AKAP13: variants seen among roughly 807,000 people sequenced by gnomAD.
The protein encoded by AKAP13 is A-kinase anchoring protein 13.
In AKAP13, 80 loss-of-function variants were observed where a neutral mutation model predicts 264.5. The observed-to-expected ratio is 0.30, with a 90% CI of 0.25 to 0.36. AKAP13 has a LOEUF of 0.36. Among genes scored for constraint, AKAP13 ranks in the 10% least tolerant of loss-of-function variants. AKAP13 has a pLI of 1.00. For synonymous variants in AKAP13, 1,380 were observed against 1,250.2 expected (o/e 1.10, Z -2.19); for missense variants, 3,712 against 3,435.2 (o/e 1.08, Z -2.01).
At chr15:85,729,003 T>C (rs537789864) in intron 29 of AKAP13, among the ~76,000 whole-genome samples, 1 of 151,906 alleles carries the variant, frequency 6.6e-6, no homozygotes, top group East Asian at 1.9e-4. Flanking sequence ...ATAAGGTCAT[T>C]AAAATCTGAT....
chr15:85,736,912 C>CTTTTTT (rs11407996), intron 33 of AKAP13, among the ~76,000 whole-genome samples: 6 of 98,038 alleles, frequency 6.1e-5, no homozygotes, highest in East Asian at 3.3e-4. Flanking sequence ...ATATCATCAT[C>CTTTTTT]TTTTTTTTTT....
At chr15:85,640,921 CCTA>C (rs2082279415) in intron 9 of AKAP13, among the ~76,000 whole-genome samples, 1 of 152,118 alleles carries the variant, frequency 6.6e-6, no homozygotes, top group African/African-American at 2.4e-5. Flanking sequence ...ATTCTGTAGA[CCTA>C]CTGTACACCC....
intron 7 of AKAP13, among the ~76,000 whole-genome samples, chr15:85,585,166 C>G (rs150235511): frequency 6.6e-6 from 1 of 152,152 alleles, no homozygotes; most frequent in African/African-American, 2.4e-5. Context: ...AAAAATAAGA[C>G]GTAACTGCTG....
At chr15:85,409,626 G>GTT (rs1333608342) in intron 1 of AKAP13, among the ~76,000 whole-genome samples, 1,769 of 129,944 alleles carry the variant, frequency 0.014, 97 homozygotes, top group African/African-American at 0.047. Context: ...GCTAGTAGTA[G>GTT]TTTTTTTTTT....
intron 2 of AKAP13, among the ~76,000 whole-genome samples, chr15:85,497,891 G>C (rs1157685948): frequency 2.0e-5 from 3 of 152,252 alleles, no homozygotes; most frequent in African/African-American, 7.2e-5. Context: ...AAAATAAAGA[G>C]TAGAAGGAGA....
intron 1 of AKAP13, among the ~76,000 whole-genome samples, chr15:85,394,557 T>C (rs2071023790): frequency 6.6e-6 from 1 of 152,210 alleles, no homozygotes; most frequent in Non-Finnish European, 1.5e-5. Context: ...ATTTAGGAAA[T>C]AATAGCTCTA....
At chr15:85,449,719 T>C (rs555128566) in intron 1 of AKAP13, among the ~76,000 whole-genome samples, 3 of 152,330 alleles carry the variant, frequency 2.0e-5, no homozygotes, top group East Asian at 1.9e-4. Flanking sequence ...ATGAATCACA[T>C]TGATTGATTT....
chr15:85,570,075 C>CAAAA (rs141206000), intron 5 of AKAP13, among the ~76,000 whole-genome samples: 1,691 of 82,540 alleles, frequency 0.02, 82 homozygotes, highest in African/African-American at 0.042. Context: ...GACTCCGTCT[C>CAAAA]AAAAAAAAAA....
At chr15:85,562,607 C>CTATA (rs2078430528) in intron 5 of AKAP13, among the ~76,000 whole-genome samples, 1 of 133,438 alleles carries the variant, frequency 7.5e-6, no homozygotes, top group African/African-American at 2.8e-5. Context: ...ATATATATAT[C>CTATA]TCTGTCCTTA....
intron 8 of AKAP13, chr15:85,619,762 C>G (rs144050745): frequency 9.5e-7 from 1 of 1,047,984 alleles, no homozygotes; most frequent in South Asian, 4.4e-5. Context: ...GTGATGGAAA[C>G]GGTGTTTGCT....
intron 1 of AKAP13, among the ~76,000 whole-genome samples, chr15:85,422,241 C>A (rs114095519): frequency 6.6e-6 from 1 of 151,966 alleles, no homozygotes; most frequent in Non-Finnish European, 1.5e-5. Flanking sequence ...GGTGCTGTTA[C>A]GAGATTTGAG....
chr15:85,449,588 T>TA (rs1390671973), intron 1 of AKAP13, among the ~76,000 whole-genome samples: 1 of 152,210 alleles, frequency 6.6e-6, no homozygotes, highest in African/African-American at 2.4e-5. Flanking sequence ...TATTTTGAGG[T>TA]ATGTTCCTTC....
rs79478041 is a variant in AKAP13, at chr15:85,455,519, T to C, written c.-11-30191T>C. Among the ~76,000 whole-genome samples, 15 of 152,312 alleles carry C rather than the reference T, an allele frequency of 9.8e-5. No individual in the cohort carries two copies. In the East Asian group the frequency reaches 2.9e-3, roughly 29 times the overall value. Reference sequence around the variant, plus strand: ...ACACTCTTTATACTTATAGCCACCATGACGTCTCAACTCACATTTCTTCAG... The same window carrying C: ...ACACTCTTTATACTTATAGCCACCACGACGTCTCAACTCACATTTCTTCAG... On this transcript the variant is annotated intron_variant, in intron 1 of 36. Coordinates refer to ENST00000394518, the MANE Select transcript of AKAP13 (RefSeq NM_007200.5).
At chr15:85,701,463 G>A (rs1196976095) in intron 17 of AKAP13, among the ~76,000 whole-genome samples, 4 of 151,892 alleles carry the variant, frequency 2.6e-5, no homozygotes, top group African/African-American at 7.3e-5. Context: ...TGTTTGAGAC[G>A]GCGTCTCACT....
chr15:85,651,050 A>G (rs11634361), intron 10 of AKAP13, among the ~76,000 whole-genome samples: 51,690 of 151,916 alleles, frequency 0.34, 9,225 homozygotes, highest in Middle Eastern at 0.51. Flanking sequence ...TATTTTGGCA[A>G]TATTAAGCAT....
chr15:85,639,676 C>G (rs566978308), intron 9 of AKAP13, among the ~76,000 whole-genome samples: 114 of 152,240 alleles, frequency 7.5e-4, no homozygotes, highest in Admixed American at 1.8e-3. Flanking sequence ...ATGATTCATT[C>G]ATTTGTGAAG....
rs760882035 is a variant in AKAP13, at chr15:85,715,811, C to T, written c.5623C>T (p.Arg1875Trp). The change falls in exon 20 of 37, where the codon CGG becomes TGG. Residue 1875 changes from arginine (R) to tryptophan (W), a missense_variant. Around this residue, in one of 3 missense-constraint regions of AKAP13, gnomAD observed 2,759 missense variants for 2,411.7 expected, o/e 1.14. Coordinates refer to ENST00000394518, the MANE Select transcript of AKAP13 (RefSeq NM_007200.5). ...NKPSQPKERP[R>W]SAVLLVDETA... ...AGCCTCACAGCCCAAGGAGCGTCCT[C>T]GGTCCGCAGTCCTCCTGGTGGATGA... 1.2e-4 allele frequency: 188 copies of T among 1,612,050 alleles called. No individual in the cohort carries two copies. The highest frequency in any genetic ancestry group is 1.5e-4 in the Non-Finnish European group (179 of 1,179,614).
At chr15:85,691,364 A>G (rs1404143733) in intron 16 of AKAP13, among the ~76,000 whole-genome samples, 1 of 152,180 alleles carries the variant, frequency 6.6e-6, no homozygotes, top group Non-Finnish European at 1.5e-5. Flanking sequence ...TTATATCCCC[A>G]TGGTCCTGGC....
At position 85,577,653 on chromosome 15, in the gene AKAP13, T is replaced by A. The variant is rs557863280; in HGVS notation, c.862-1277T>A. The A allele has an allele frequency of 1.6e-5, 5 of 303,412 alleles. No individual in the cohort carries two copies. In the Admixed American group the frequency reaches 3.2e-4, roughly 20 times the overall value. The allele number at this position is 303,412 out of a possible 1,614,324, so 18.8% of individuals were successfully genotyped here. On this transcript the variant is annotated intron_variant, in intron 6 of 36. Transcript: ENST00000394518. ...TTATATTTTTTAAATACTTTAAAGTTGCAAAATCCATTTTTGAGATTACAT... is the reference window on the plus strand; with the variant it reads ...TTATATTTTTTAAATACTTTAAAGTAGCAAAATCCATTTTTGAGATTACAT...
Sources: gnomAD v4.1 joint callset for allele counts (sites outside exome capture counted in the v4.1 genomes callset) on GRCh38, gnomAD v4.1.1 for gene constraint, gnomAD v4.1.1 regional missense constraint, MANE v1.5 for transcripts, NCBI Gene and HGNC (gene_info 2026-07-23, HGNC 2026-07-21) for gene names.